The following ZFC3H1 variants were observed in gnomAD, a reference collection of about 807,000 sequenced individuals.
ZFC3H1 encodes the protein zinc finger C3H1-type containing.
In ZFC3H1, 71 loss-of-function variants were observed where a neutral mutation model predicts 243.7. The ratio of observed to expected loss-of-function variants is 0.29; its 90% CI spans 0.24 to 0.36. The LOEUF is 0.36. ZFC3H1 is among the 10% of genes least tolerant of loss of function. The pLI is 1.00. For missense variants in ZFC3H1, 1,966 were observed against 2,317.1 expected, an observed-to-expected ratio of 0.85 and a Z score of 3.11; for synonymous variants, 838 against 813.0, an observed-to-expected ratio of 1.03 and a Z score of -0.52.
chr12:71,649,266 T>C lies in ZFC3H1; in HGVS notation c.1016-1453A>G, dbSNP rs534488409. Among the ~76,000 whole-genome samples the C allele has an allele frequency of 3.9e-4, 59 of 152,296 alleles. No individual in the cohort carries two copies. In the South Asian group the frequency reaches 4.6e-3, roughly 12 times the overall value. On this transcript the variant is annotated intron_variant, in intron 2 of 34. Transcript: ENST00000378743. ...ACATATACTTCAAACATCTATCAAA[T>C]ACCCAAGTTCATTGCGTGTGTTATA...
intron 6 of ZFC3H1, among the ~76,000 whole-genome samples, chr12:71,639,177 A>G (rs1420871652): frequency 6.6e-6 from 1 of 152,252 alleles, no homozygotes; most frequent in African/African-American, 2.4e-5. Context: ...ACTGAAATAC[A>G]GCAGTTTCAA....
rs552299951 is a variant in ZFC3H1, at chr12:71,655,791, C to T, written c.1015+1094G>A. The stretch of plus-strand genomic sequence containing the variant: ...GCCCCAACTAATTTGAGTATTATAA[C>T]CTTACACTAAAAACTGTCAAGGAAA... On this transcript the variant is annotated intron_variant, in intron 2 of 34. Transcript: ENST00000378743. Among the ~76,000 whole-genome samples, 6 of 152,128 alleles carry T rather than the reference C, an allele frequency of 3.9e-5. No individual in the cohort carries two copies. In the East Asian group the frequency reaches 1.2e-3, roughly 29 times the overall value.
intron 28 of ZFC3H1, 32 bp downstream of exon 28, chr12:71,615,174 T>G: frequency 6.7e-7 from 1 of 1,491,036 alleles, no homozygotes; most frequent in Non-Finnish European, 9.3e-7. Context: ...GCAGGCCTAG[T>G]ATGCAATATC....
Position 71,609,919 on chromosome 12 carries a change from T to G in ZFC3H1, c.*509A>C, listed in dbSNP as rs959957014. ...ACTTGTGGCCATGGCAGTTACACTT[T>G]CCTTAAGATGGACTGCTATAGTTTT... is the stretch of plus-strand genomic sequence containing the variant. On this transcript the variant is annotated 3_prime_UTR_variant, in exon 35 of 35. Coordinates refer to ENST00000378743, the MANE Select transcript of ZFC3H1 (RefSeq NM_144982.5). 1 of 152,590 alleles carries G rather than the reference T, an allele frequency of 6.6e-6. No individual in the cohort carries two copies. The allele number at this position is 152,590 out of a possible 1,614,324, so 9.5% of individuals were successfully genotyped here. A position where few individuals can be genotyped will look rare whatever the true frequency, so the allele number is the denominator to read the frequency against.
intron 14 of ZFC3H1, 42 bp downstream of exon 14, chr12:71,632,844 T>G: frequency 6.3e-7 from 1 of 1,597,304 alleles, no homozygotes; most frequent in Non-Finnish European, 8.5e-7. Flanking sequence ...TCATAAAAAC[T>G]TTCTGCTTTC....
chr12:71,654,426 G>GAGTT (rs1880965734), intron 2 of ZFC3H1, among the ~76,000 whole-genome samples: 1 of 152,152 alleles, frequency 6.6e-6, no homozygotes, highest in African/African-American at 2.4e-5. Context: ...GGGCAACACA[G>GAGTT]TGAGATCTTA....
At chr12:71,612,967 G>A (rs1430146794) in intron 31 of ZFC3H1, among the ~76,000 whole-genome samples, 2 of 152,152 alleles carry the variant, frequency 1.3e-5, no homozygotes, top group Admixed American at 1.3e-4. Flanking sequence ...ATATTTGAGA[G>A]CAACTGACCT....
intron 2 of ZFC3H1, among the ~76,000 whole-genome samples, chr12:71,652,957 A>G (rs1481846052): frequency 2.6e-5 from 4 of 152,160 alleles, no homozygotes; most frequent in African/African-American, 9.7e-5. Context: ...AATTCAAAAA[A>G]AAACAACGAC....
intron 3 of ZFC3H1, among the ~76,000 whole-genome samples, 171 bp from the exon 4 acceptor site, chr12:71,645,246 T>C (rs17110083): frequency 0.033 from 4,993 of 152,318 alleles, 284 homozygotes; most frequent in African/African-American, 0.11. Context: ...GAGACTCTAA[T>C]GTAATTCCTA....
chr12:71,633,075 C>A lies in ZFC3H1; in HGVS notation c.2686-58G>T, dbSNP rs1456899274. 9 of 1,525,974 alleles carry A rather than the reference C, an allele frequency of 5.9e-6. No homozygotes were observed. In the East Asian group the frequency reaches 2.1e-4, roughly 36 times the overall value. The allele number at this position is 1,525,974 out of a possible 1,614,324, so 94.5% of individuals were successfully genotyped here. A position where few individuals can be genotyped will look rare whatever the true frequency, so the allele number is the denominator to read the frequency against. On this transcript the variant is annotated intron_variant, in intron 13 of 34. Coordinates refer to ENST00000378743, the MANE Select transcript of ZFC3H1 (RefSeq NM_144982.5). Reference sequence around the variant, plus strand: ...ATGAAAACCTTAAAACAGGAAATTTCTTCTTCTCAAACACCGTGGCTTTTG... The same window carrying A: ...ATGAAAACCTTAAAACAGGAAATTTATTCTTCTCAAACACCGTGGCTTTTG...
At chr12:71,641,438 C>A (rs1340494051) in intron 6 of ZFC3H1, among the ~76,000 whole-genome samples, 1 of 152,220 alleles carries the variant, frequency 6.6e-6, no homozygotes, top group South Asian at 2.1e-4. Flanking sequence ...GGGAGAAATA[C>A]ACTGATCATG....
chr12:71,630,753 C>A, intron 17 of ZFC3H1, 32 bp from the exon 18 acceptor site: 1 of 1,610,086 alleles, frequency 6.2e-7, no homozygotes, highest in Non-Finnish European at 8.5e-7. Flanking sequence ...AAAAGATAAT[C>A]ATGTACATAT....
intron 3 of ZFC3H1, among the ~76,000 whole-genome samples, chr12:71,646,055 T>C (rs1403648553): frequency 1.3e-5 from 2 of 152,202 alleles, no homozygotes; most frequent in African/African-American, 4.8e-5. Flanking sequence ...TATAGGTAAA[T>C]TGTAATTATA....
chr12:71,642,133 A>G (rs952256112), intron 6 of ZFC3H1, among the ~76,000 whole-genome samples: 6 of 152,232 alleles, frequency 3.9e-5, no homozygotes, highest in African/African-American at 1.4e-4. Flanking sequence ...TACAGGTGTG[A>G]GCCACTGCAC....
rs78687833 is a variant in ZFC3H1, at chr12:71,652,341, G to A, written c.1016-4528C>T. 8.5e-3 allele frequency among the ~76,000 whole-genome samples: 1,292 copies of A among 152,124 alleles called. 18 individuals are homozygous for A. Among genetic ancestry groups the A allele is most frequent in the African/African-American group, 0.03 (1,231 of 41,498 alleles). ...AAAAATATTTAATAGCCCACCCAAC[G>A]TTTAAAAGACAAAATTCAAATTCTT... On this transcript the variant is annotated intron_variant, in intron 2 of 34. Transcript: ENST00000378743.
At chr12:71,622,661 T>C (rs528155224) in intron 24 of ZFC3H1, among the ~76,000 whole-genome samples, 1 of 152,150 alleles carries the variant, frequency 6.6e-6, no homozygotes, top group East Asian at 1.9e-4. Context: ...TAGGGATTCA[T>C]CATGTTGGCC....
intron 1 of ZFC3H1, among the ~76,000 whole-genome samples, chr12:71,662,492 A>AACCCAC (rs1881206927): frequency 1.7e-5 from 2 of 114,510 alleles, no homozygotes; most frequent in Non-Finnish European, 3.8e-5. Context: ...TTTTTTTTTT[A>AACCCAC]CCCCTCCCCC....
At chr12:71,648,774 C>T (rs1335917042) in intron 2 of ZFC3H1, among the ~76,000 whole-genome samples, 1 of 152,100 alleles carries the variant, frequency 6.6e-6, no homozygotes, top group African/African-American at 2.4e-5. Flanking sequence ...GAATTTGTTG[C>T]AACATGACTG....
At chr12:71,649,816 G>C (rs967812761) in intron 2 of ZFC3H1, among the ~76,000 whole-genome samples, 3 of 152,188 alleles carry the variant, frequency 2.0e-5, no homozygotes, top group Admixed American at 6.5e-5. Context: ...AAAAATGGCA[G>C]CACCTCCCTT....
Sources: allele counts gnomAD v4.1 joint callset (sites outside exome capture counted in the v4.1 genomes callset), GRCh38; gene constraint gnomAD v4.1.1; transcripts MANE v1.5; gene names NCBI Gene and HGNC (gene_info 2026-07-23, HGNC 2026-07-21).